Variants in TRMT11 observed in about 807,000 individuals in gnomAD.
The protein encoded by TRMT11 is tRNA (guanine(10)-N(2))-methyltransferase TRMT11.
A neutral mutation model predicts 62.8 loss-of-function variants in TRMT11; 53 were observed. The ratio of observed to expected loss-of-function variants is 0.84; its 90% confidence interval spans 0.68 to 1.06. TRMT11 has a LOEUF of 1.06. TRMT11 is among the 50% of genes least tolerant of loss of function. TRMT11 has a pLI of 0.00. For missense variants in TRMT11, 556 were observed against 553.4 expected, an observed-to-expected ratio of 1.00 and a Z score of -0.05; for synonymous variants, 188 against 190.3, an observed-to-expected ratio of 0.99 and a Z score of 0.10.
chr6:126,028,896 G>T (rs1205383971), intron 12 of TRMT11, among the ~76,000 whole-genome samples: 1 of 152,094 alleles, frequency 6.6e-6, no homozygotes, highest in Non-Finnish European at 1.5e-5. Context: ...TGTCTTTATG[G>T]TTCCAGCATG....
At chr6:126,220,800 G>A in the TRMT11 span, among the ~76,000 whole-genome samples, 4 of 151,926 alleles carry the variant, frequency 2.6e-5, no homozygotes, top group South Asian at 6.3e-4. Context: ...ACATGTGCAG[G>A]TTTGTTATAT....
chr6:126,093,628 T>TATATATATATAC (rs1562321453), intron 17 of TRMT11, among the ~76,000 whole-genome samples: 5 of 105,830 alleles, frequency 4.7e-5, no homozygotes, highest in Non-Finnish European at 9.1e-5. Flanking sequence ...TATATATATA[T>TATATATATATAC]ATATTTTCCC....
chr6:126,237,454 A>G, the TRMT11 span, among the ~76,000 whole-genome samples: 1 of 152,038 alleles, frequency 6.6e-6, no homozygotes, highest in Non-Finnish European at 1.5e-5. Flanking sequence ...CTGAGGTGGG[A>G]GGATTGCTTA....
intron 17 of TRMT11, among the ~76,000 whole-genome samples, chr6:126,110,937 T>C (rs2128187595): frequency 6.6e-6 from 1 of 152,268 alleles, no homozygotes; most frequent in South Asian, 2.1e-4. Context: ...AAGATGAGAA[T>C]ACTTCCAAAA....
chr6:125,999,365 C>A, intron 6 of TRMT11, 92 bp from the exon 7 acceptor site: 3 of 989,218 alleles, frequency 3.0e-6, no homozygotes, highest in Non-Finnish European at 4.2e-6. Flanking sequence ...GAAAGAAGTT[C>A]TTATCAGCAA....
intron 21 of TRMT11, among the ~76,000 whole-genome samples, chr6:126,140,690 C>T (rs1777907250): frequency 6.6e-6 from 1 of 151,984 alleles, no homozygotes; most frequent in African/African-American, 2.4e-5. Flanking sequence ...TCTCACTTGC[C>T]AGGGGCAGAG....
rs1176600601 is a variant in TRMT11 at position 126,101,167 on chromosome 6, T to A, written c.*1438-11699T>A. On this transcript the variant is annotated intron_variant and NMD_transcript_variant, in intron 17 of 22. Transcript: ENST00000648977. ...CAGGTACTGGTCTGTGGCCCAGGGGTAGAGAACCCTTGTTATTCAACATGG... is the reference window on the plus strand; with the variant it reads ...CAGGTACTGGTCTGTGGCCCAGGGGAAGAGAACCCTTGTTATTCAACATGG... Among the ~76,000 whole-genome samples, 7 of 152,110 alleles carry A rather than the reference T, an allele frequency of 4.6e-5. No homozygotes were observed. The South Asian group carries it at 1.5e-3, about 32-fold the overall frequency.
At chr6:126,182,452 A>T (rs554174709) in intron 1 of TRMT11, among the ~76,000 whole-genome samples, 10 of 151,950 alleles carry the variant, frequency 6.6e-5, no homozygotes, top group Non-Finnish European at 8.8e-5. Context: ...AGACTGCTTT[A>T]CTGTGCATCT....
the TRMT11 span, among the ~76,000 whole-genome samples, chr6:126,267,867 GGCCC>G: frequency 6.6e-6 from 1 of 152,044 alleles, no homozygotes; most frequent in Admixed American, 6.5e-5. Flanking sequence ...TTTCCTGACT[GGCCC>G]CAGGCCATCT....
At chr6:126,018,150 T>G (rs1795259930) in intron 11 of TRMT11, among the ~76,000 whole-genome samples, 1 of 152,162 alleles carries the variant, frequency 6.6e-6, no homozygotes, top group South Asian at 2.1e-4. Flanking sequence ...AATTAAAAAT[T>G]TTTAAAAAGG....
rs563663661 is a variant in TRMT11 at position 126,120,103 on chromosome 6, A to G, written c.*1823+4248A>G. ...AGCCTGACCAACATGGTGAAATTTC[A>G]TCACTACTAAAAATAAAAAAAATTA... On this transcript the variant is annotated intron_variant and NMD_transcript_variant, in intron 21 of 22. Coordinates refer to the TRMT11 transcript ENST00000648977. Among the ~76,000 whole-genome samples, 6 of 152,060 alleles carry G rather than the reference A, an allele frequency of 3.9e-5. No individual in the cohort carries two copies. The South Asian group carries it at 1.0e-3, about 26-fold the overall frequency.
intron 16 of TRMT11, among the ~76,000 whole-genome samples, chr6:126,046,637 A>G (rs1385752916): frequency 2.6e-5 from 4 of 152,144 alleles, no homozygotes; most frequent in Non-Finnish European, 2.9e-5. Context: ...ACAAACTTGT[A>G]TGGCTGTGTT....
intron 17 of TRMT11, among the ~76,000 whole-genome samples, chr6:126,059,074 G>T (rs1384689696): frequency 3.7e-5 from 5 of 134,160 alleles, no homozygotes; most frequent in African/African-American, 1.6e-4. Context: ...TGTAGAGACA[G>T]GTTCTTGCTA....
At chr6:126,228,049 T>A in the TRMT11 span, among the ~76,000 whole-genome samples, 1 of 152,240 alleles carries the variant, frequency 6.6e-6, no homozygotes, top group Admixed American at 6.5e-5. Flanking sequence ...CCTTGGCCAA[T>A]CTGCACTTAA....
intron 2 of TRMT11, among the ~76,000 whole-genome samples, chr6:125,995,398 T>C (rs1791339906): frequency 6.6e-6 from 1 of 152,114 alleles, no homozygotes; most frequent in East Asian, 1.9e-4. Context: ...ATCTTGGGTG[T>C]TGGGATAGAG....
chr6:126,133,035 T>C (rs117250125), intron 21 of TRMT11, among the ~76,000 whole-genome samples: 349 of 152,094 alleles, frequency 2.3e-3, no homozygotes, highest in Non-Finnish European at 3.9e-3. Context: ...TTATTTGAGC[T>C]CCACAAAACC....
the TRMT11 span, among the ~76,000 whole-genome samples, chr6:126,227,446 G>A: frequency 6.6e-6 from 1 of 152,144 alleles, no homozygotes; most frequent in Non-Finnish European, 1.5e-5. Flanking sequence ...AGATACATGA[G>A]CATCTTATCC....
At chr6:126,186,254 G>A (rs1020508392) in intron 1 of TRMT11, among the ~76,000 whole-genome samples, 1 of 152,144 alleles carries the variant, frequency 6.6e-6, no homozygotes, top group African/African-American at 2.4e-5. Context: ...GACTGATAAA[G>A]TCAGATGTAT....
upstream of TRMT11, among the ~76,000 whole-genome samples, chr6:126,175,145 GT>G (rs1778371245): frequency 1.3e-5 from 2 of 152,140 alleles, no homozygotes. Flanking sequence ...CCACTCTACT[GT>G]TTCAAACCCC....
Sources: allele counts gnomAD v4.1 joint callset (sites outside exome capture counted in the v4.1 genomes callset), GRCh38; gene constraint gnomAD v4.1.1; transcripts MANE v1.5; gene names NCBI Gene and HGNC (gene_info 2026-07-23, HGNC 2026-07-21).